Variants in TENM1 observed in about 807,000 individuals in gnomAD.
TENM1 encodes the protein teneurin-1.
In TENM1, 35 loss-of-function variants were observed where a neutral mutation model predicts 174.8. The observed-to-expected ratio is 0.20, with a 90% confidence interval of 0.15 to 0.27. The LOEUF is 0.27. Among genes scored for constraint, TENM1 ranks in the 10% least tolerant of loss-of-function variants. The pLI is 1.00. For synonymous variants in TENM1, 781 were observed against 798.7 expected (o/e 0.98, Z 0.37); for missense variants, 1,633 against 2,130.1 (o/e 0.77, Z 4.59).
intron 6 of TENM1, among the ~76,000 whole-genome samples, chrX:124,667,212 T>C (rs2051789322): frequency 2.7e-5 from 3 of 111,883 alleles, no homozygotes; most frequent in Admixed American, 1.9e-4. Context: ...ATAGACATTA[T>C]ATAACTCAGG....
At chrX:124,962,338 T>A (rs952333137) in intron 1 of TENM1, among the ~76,000 whole-genome samples, 10 of 111,306 alleles carry the variant, frequency 9.0e-5, no homozygotes, top group African/African-American at 3.3e-4. Flanking sequence ...CCCTGGGGAT[T>A]TGTTAAACCA....
At chrX:125,164,703 C>T in the TENM1 span, among the ~76,000 whole-genome samples, 4 of 111,814 alleles carry the variant, frequency 3.6e-5, no homozygotes, top group East Asian at 8.4e-4. Flanking sequence ...AAGGCATAAT[C>T]GCAACATTCC....
chrX:124,391,311 AAT>A (rs777431062), intron 28 of TENM1, among the ~76,000 whole-genome samples: 29 of 111,908 alleles, frequency 2.6e-4, no homozygotes, highest in Admixed American at 2.4e-3. Flanking sequence ...GTGTTGAAAG[AAT>A]AGATTTGGGA....
At chrX:124,432,082 A>G (rs141943285) in intron 23 of TENM1, among the ~76,000 whole-genome samples, 1,633 of 112,257 alleles carry the variant, frequency 0.015, 33 homozygotes, top group African/African-American at 0.05. Context: ...AAAGCAAAGC[A>G]AAACCAAACC....
chrX:125,179,394 G>A, the TENM1 span, among the ~76,000 whole-genome samples: 4 of 110,364 alleles, frequency 3.6e-5, no homozygotes, highest in African/African-American at 1.3e-4. Flanking sequence ...CAGGAGGACG[G>A]CTTGGGGCCA....
At chrX:125,036,033 TCCACAGAAGC>T in the TENM1 span, among the ~76,000 whole-genome samples, 1 of 111,551 alleles carries the variant, frequency 9.0e-6, no homozygotes, top group Non-Finnish European at 1.9e-5. Context: ...TTATTAAAAT[TCCACAGAAGC>T]AATTAAAATG....
intron 23 of TENM1, among the ~76,000 whole-genome samples, chrX:124,451,346 G>T (rs2061034379): frequency 9.0e-6 from 1 of 110,943 alleles, no homozygotes; most frequent in African/African-American, 3.3e-5. Context: ...AGGGGATGTT[G>T]CTTTTACTTA....
chrX:124,586,665 A>G (rs2049524708), intron 11 of TENM1, among the ~76,000 whole-genome samples: 1 of 107,154 alleles, frequency 9.3e-6, no homozygotes, highest in Non-Finnish European at 1.9e-5. Flanking sequence ...CCTATTCAAC[A>G]TAGTGTTGGA....
At chrX:125,186,956 A>G in the TENM1 span, among the ~76,000 whole-genome samples, 1 of 112,313 alleles carries the variant, frequency 8.9e-6, no homozygotes, top group African/African-American at 3.2e-5. Context: ...GATTTTTAAC[A>G]TATGAACTTT....
Position 124,399,217 on chromosome X carries a change from T to G in TENM1, c.5391+5814A>C, listed in dbSNP as rs749951241. Among the ~76,000 whole-genome samples the G allele has an allele frequency of 6.3e-5, 7 of 111,979 alleles. No individual in the cohort carries two copies. In the East Asian group the frequency reaches 2.0e-3, roughly 31 times the overall value. ...CTGTGTGACCTCTCTGTGCCTCAGT[T>G]TCTTCATCTGTAAAATGGGAATGAT... On this transcript the variant is annotated intron_variant, in intron 27 of 31. Coordinates refer to ENST00000422452, the Ensembl canonical transcript of TENM1.
At chrX:125,077,223 T>C in the TENM1 span, among the ~76,000 whole-genome samples, 1 of 111,363 alleles carries the variant, frequency 9.0e-6, no homozygotes, top group African/African-American at 3.3e-5. Context: ...AAACAGCATC[T>C]TACCTTATAT....
At chrX:124,667,924 T>C (rs2051815264) in intron 6 of TENM1, among the ~76,000 whole-genome samples, 1 of 111,460 alleles carries the variant, frequency 9.0e-6, no homozygotes, top group South Asian at 3.8e-4. Flanking sequence ...AATTTGATGT[T>C]TCTTTAAAAA....
In TENM1 at chrX:124,640,362, G is replaced by A. The variant is rs185815455; in HGVS notation, c.2077+1429C>T. Among the ~76,000 whole-genome samples the A allele has an allele frequency of 4.5e-5, 5 of 111,094 alleles. No individual in the cohort carries two copies. The East Asian group carries it at 1.4e-3, about 32-fold the overall frequency. On this transcript the variant is annotated intron_variant, in intron 11 of 31. Coordinates refer to ENST00000422452, the Ensembl canonical transcript of TENM1. Reference sequence around the variant, plus strand: ...CAGAGAAATTCTCCTCTTTCCTTACGGTGTAGGATCACAGACTTTTCAGCT... The same window carrying A: ...CAGAGAAATTCTCCTCTTTCCTTACAGTGTAGGATCACAGACTTTTCAGCT...
intron 1 of TENM1, among the ~76,000 whole-genome samples, chrX:124,900,138 T>C (rs1480337875): frequency 1.8e-5 from 2 of 112,291 alleles, no homozygotes; most frequent in Non-Finnish European, 3.8e-5. Context: ...AGTACAAATG[T>C]CCCAAGTATC....
At chrX:125,162,137 C>T in the TENM1 span, among the ~76,000 whole-genome samples, 1 of 111,374 alleles carries the variant, frequency 9.0e-6, no homozygotes, top group Non-Finnish European at 1.9e-5. Context: ...GAAGCTGCTT[C>T]AGCTATGTTA....
the TENM1 span, among the ~76,000 whole-genome samples, chrX:125,054,337 A>G: frequency 9.1e-6 from 1 of 110,135 alleles, no homozygotes; most frequent in Non-Finnish European, 1.9e-5. Flanking sequence ...CGCTTTCTGT[A>G]CAGTCTGCAG....
the TENM1 span, among the ~76,000 whole-genome samples, chrX:125,022,058 T>C: frequency 8.9e-6 from 1 of 112,477 alleles, no homozygotes; most frequent in African/African-American, 3.2e-5. Flanking sequence ...CAAATATTTG[T>C]TGAGTACCTA....
intron 3 of TENM1, among the ~76,000 whole-genome samples, chrX:124,850,745 G>A (rs776259588): frequency 1.8e-5 from 2 of 110,420 alleles, no homozygotes; most frequent in South Asian, 3.9e-4. Context: ...TAATCTCAGC[G>A]GATAATAATT....
the TENM1 span, among the ~76,000 whole-genome samples, chrX:125,203,059 C>T: frequency 1.2e-4 from 14 of 112,132 alleles, no homozygotes; most frequent in Non-Finnish European, 1.1e-4. Flanking sequence ...TGGAGCACCG[C>T]CTGGGTTGTA....
Sources: gnomAD v4.1 joint callset for allele counts (sites outside exome capture counted in the v4.1 genomes callset) on GRCh38, gnomAD v4.1.1 for gene constraint, MANE v1.5 for transcripts, NCBI Gene and HGNC (gene_info 2026-07-23, HGNC 2026-07-21) for gene names.